Variants in GGACT observed in about 807,000 individuals in gnomAD.
GGACT encodes gamma-glutamylaminecyclotransferase.
For synonymous variants in GGACT, 118 were observed against 115.3 expected (o/e 1.02, Z -0.15); for missense variants, 241 against 233.2 (o/e 1.03, Z -0.22).
chr13:100,583,092 T>G (rs1229894028), intron 2 of GGACT, among the ~76,000 whole-genome samples: 1 of 152,218 alleles, frequency 6.6e-6, no homozygotes, highest in Non-Finnish European at 1.5e-5. Context: ...ACTTCAACAC[T>G]TAGCAACATA....
In GGACT at chr13:100,532,570, C is replaced by T. The variant is rs895560590; in HGVS notation, c.22G>A (p.Gly8Ser). MALVFVYGTLKRGQPNHR... is the reference protein window; with the variant it reads MALVFVYSTLKRGQPNHR... ...TTGGGCTGACCCCGCTTCAGGGTGC[C>T]GTACACGAAGACTAGGGCCATCCGG... Residue 8 changes from glycine (G) to serine (S), a missense_variant, in exon 3 of 3, where the codon GGC (glycine) becomes AGC (serine). Transcript: ENST00000683975. The T allele has an allele frequency of 4.5e-6, 7 of 1,546,048 alleles. No individual in the cohort carries two copies. The highest frequency in any genetic ancestry group is 1.2e-5 in the South Asian group (1 of 83,762).
intron 2 of GGACT, among the ~76,000 whole-genome samples, chr13:100,563,518 CT>C (rs2088783934): frequency 6.6e-6 from 1 of 152,118 alleles, no homozygotes; most frequent in Admixed American, 6.5e-5. Context: ...GTAAATAAAT[CT>C]TTTAAAGTGG....
intron 2 of GGACT, among the ~76,000 whole-genome samples, chr13:100,572,957 T>C (rs1226790461): frequency 1.3e-5 from 2 of 152,196 alleles, no homozygotes; most frequent in Non-Finnish European, 2.9e-5. Context: ...TCTTTTGCTA[T>C]ATAATGGCAT....
Position 100,534,521 on chromosome 13 carries a change from G to A in GGACT, c.-10-1920C>T, listed in dbSNP as rs534367771. Among the ~76,000 whole-genome samples, 18 of 152,224 alleles carry A rather than the reference G, an allele frequency of 1.2e-4. No individual in the cohort carries two copies. In the South Asian group the frequency reaches 2.1e-3, roughly 18 times the overall value. On this transcript the variant is annotated intron_variant, in intron 2 of 2. Transcript: ENST00000683975. This position sits in a 1 kb window ranked among gnomAD's most constrained non-coding sequence, Gnocchi z 4.9. The stretch of plus-strand genomic sequence containing the variant: ...AAGGCACCAGCTGAGAGCAGCGCTG[G>A]TGTCTGGAGAGGGCACTGGATGGAA...
intron 2 of GGACT, among the ~76,000 whole-genome samples, chr13:100,546,559 C>T (rs1405181490): frequency 1.3e-5 from 2 of 151,820 alleles, no homozygotes; most frequent in Non-Finnish European, 2.9e-5. Context: ...GCCTGTAATC[C>T]CAGCATTTTG....
At chr13:100,532,802 G>C (rs1366444185) in intron 2 of GGACT, among the ~76,000 whole-genome samples, 2 of 152,192 alleles carry the variant, frequency 1.3e-5, no homozygotes, top group African/African-American at 4.8e-5. Context: ...TTTGACTTTC[G>C]GCCATTTAAA....
intron 2 of GGACT, chr13:100,539,736 TTAGA>T (rs1190386849): frequency 1.1e-5 from 7 of 616,356 alleles, no homozygotes; most frequent in Non-Finnish European, 2.0e-5. Flanking sequence ...TCTTCATTCT[TTAGA>T]AGAGTTTCAG....
At chr13:100,582,220 T>C (rs1875441054) in intron 2 of GGACT, among the ~76,000 whole-genome samples, 1 of 152,162 alleles carries the variant, frequency 6.6e-6, no homozygotes, top group Non-Finnish European at 1.5e-5. Flanking sequence ...TGATTTCAGA[T>C]TTGGGGCAAT....
intron 2 of GGACT, among the ~76,000 whole-genome samples, chr13:100,551,967 G>C (rs906811699): frequency 1.3e-5 from 2 of 152,178 alleles, no homozygotes; most frequent in Non-Finnish European, 2.9e-5. Context: ...GGTGCTGCCT[G>C]GCTGGGGTAG....
At chr13:100,547,501 A>C (rs574299126) in intron 2 of GGACT, among the ~76,000 whole-genome samples, 192 of 152,326 alleles carry the variant, frequency 1.3e-3, no homozygotes, top group Admixed American at 5.2e-3. Context: ...GAATGAGCTC[A>C]CGGGAGGCAG....
intron 2 of GGACT, among the ~76,000 whole-genome samples, chr13:100,550,417 T>TAC (rs61669253): frequency 0.029 from 2,079 of 72,482 alleles, 185 homozygotes; most frequent in African/African-American, 0.06. Flanking sequence ...GATTATACTC[T>TAC]ACACACACAC....
chr13:100,559,849 T>C (rs1029622219), intron 2 of GGACT, among the ~76,000 whole-genome samples: 25 of 152,258 alleles, frequency 1.6e-4, no homozygotes, highest in Admixed American at 1.5e-3. Flanking sequence ...TTGTGTTACA[T>C]GTAATTCAGT....
chr13:100,543,231 G>A (rs9557452), intron 2 of GGACT, among the ~76,000 whole-genome samples: 67,255 of 120,082 alleles, frequency 0.56, 18,781 homozygotes, highest in East Asian at 0.8. Context: ...TTTTTGAGAC[G>A]GAGTGTCGCT....
intron 2 of GGACT, among the ~76,000 whole-genome samples, chr13:100,547,470 A>T (rs2088618254): frequency 6.6e-6 from 1 of 152,244 alleles, no homozygotes; most frequent in African/African-American, 2.4e-5. Context: ...ACCTCAAAAA[A>T]GGTAATCTAA....
intron 2 of GGACT, among the ~76,000 whole-genome samples, chr13:100,550,529 C>G (rs756768497): frequency 3.9e-5 from 6 of 152,222 alleles, no homozygotes; most frequent in Non-Finnish European, 5.9e-5. Context: ...CCAAACACGC[C>G]AGTGTTTGGG....
rs945966556 is a variant in GGACT, at chr13:100,545,674, G to A, written c.-10-13073C>T. On this transcript the variant is annotated intron_variant, in intron 2 of 2. Transcript: ENST00000683975. The surrounding 1 kb of genome is among the most constrained non-coding windows in gnomAD (Gnocchi z 4.4). The stretch of plus-strand genomic sequence containing the variant: ...TTTGTCTTTGTATTTTGTAAGCAAA[G>A]CGAAGCCTGCTGGAATAACACAGCA... Among the ~76,000 whole-genome samples the A allele has an allele frequency of 6.6e-6, 1 of 152,270 alleles. No homozygotes were observed. The highest frequency in any genetic ancestry group is 6.5e-5 in the Admixed American group (1 of 15,288).
intron 2 of GGACT, among the ~76,000 whole-genome samples, chr13:100,542,968 T>C (rs1183345638): frequency 1.3e-5 from 2 of 152,322 alleles, no homozygotes; most frequent in Non-Finnish European, 1.5e-5. Context: ...GTCCTTTGCA[T>C]AACTGTTAGA....
At chr13:100,565,308 G>C (rs1057473525) in intron 2 of GGACT, among the ~76,000 whole-genome samples, 1 of 152,212 alleles carries the variant, frequency 6.6e-6, no homozygotes, top group Non-Finnish European at 1.5e-5. Flanking sequence ...AGTGTCAAAA[G>C]GGATTAGTTG....
chr13:100,583,472 G>GATGAAGAAATGA (rs1875476129), intron 2 of GGACT, among the ~76,000 whole-genome samples: 1 of 152,084 alleles, frequency 6.6e-6, no homozygotes, highest in Non-Finnish European at 1.5e-5. Context: ...GAGAAAAACA[G>GATGAAGAAATGA]ATGAAGAAAT....
Sources: gnomAD v4.1 joint callset for allele counts (sites outside exome capture counted in the v4.1 genomes callset) on GRCh38, gnomAD v4.1.1 for gene constraint, Gnocchi (gnomAD v3.1) non-coding constraint, MANE v1.5 for transcripts, NCBI Gene and HGNC (gene_info 2026-07-23, HGNC 2026-07-21) for gene names.